Variants in PPCDC observed in about 807,000 individuals in gnomAD.
PPCDC encodes phosphopantothenoylcysteine decarboxylase.
In PPCDC, 20 loss-of-function variants were observed where a neutral mutation model predicts 20.7. The ratio of observed to expected loss-of-function variants is 0.97; its 90% CI spans 0.68 to 1.41. The LOEUF (loss-of-function observed/expected upper bound fraction) is 1.41. Among genes scored for constraint, PPCDC ranks in the 40% most tolerant of loss-of-function variants. The pLI is 0.00. For synonymous variants in PPCDC, 88 were observed against 100.3 expected (o/e 0.88, Z 0.73); for missense variants, 246 against 263.8 (o/e 0.93, Z 0.47).
At chr15:75,024,213 G>C (rs2065935695) in intron 1 of PPCDC, among the ~76,000 whole-genome samples, 1 of 152,084 alleles carries the variant, frequency 6.6e-6, no homozygotes, top group African/African-American at 2.4e-5. Context: ...AGTGGTGGTT[G>C]TCCTGGAGCA....
At chr15:75,041,155 C>G (rs972595747) in intron 2 of PPCDC, among the ~76,000 whole-genome samples, 1 of 152,214 alleles carries the variant, frequency 6.6e-6, no homozygotes, top group Non-Finnish European at 1.5e-5. Context: ...AGAGACAGGG[C>G]CTTCAGCATG....
intron 2 of PPCDC, among the ~76,000 whole-genome samples, chr15:75,035,182 G>A (rs2066070423): frequency 6.6e-6 from 1 of 152,204 alleles, no homozygotes; most frequent in Non-Finnish European, 1.5e-5. Context: ...GGATAATGCT[G>A]TAGAGTTGTG....
At chr15:75,043,416 G>C (rs765042584) in intron 2 of PPCDC, 25 bp from the exon 3 acceptor site, 2 of 1,574,300 alleles carry the variant, frequency 1.3e-6, no homozygotes, top group South Asian at 1.1e-5. Context: ...CTCCCTCCCC[G>C]CCACCCCCTT....
chr15:75,044,541 C>CA (rs1404291974), intron 4 of PPCDC, 27 bp downstream of exon 4: 3 of 1,605,576 alleles, frequency 1.9e-6, no homozygotes, highest in East Asian at 4.5e-5. Flanking sequence ...TGCCCTCGTC[C>CA]GTCCCTGGGC....
chr15:75,025,372 C>T (rs1038196752), intron 1 of PPCDC, among the ~76,000 whole-genome samples: 2 of 152,204 alleles, frequency 1.3e-5, no homozygotes, highest in African/African-American at 4.8e-5. Flanking sequence ...AACGTATACC[C>T]TGTCTGGCCT....
chr15:75,045,676 A>G (rs1413179734), intron 4 of PPCDC, among the ~76,000 whole-genome samples: 2 of 152,286 alleles, frequency 1.3e-5, no homozygotes, highest in South Asian at 2.1e-4. Flanking sequence ...GGTGAGCAGA[A>G]GAACAACTTG....
chr15:75,029,452 T>G (rs530208327), intron 2 of PPCDC, among the ~76,000 whole-genome samples: 1 of 152,302 alleles, frequency 6.6e-6, no homozygotes, highest in African/African-American at 2.4e-5. Context: ...GTATCTGGCA[T>G]GTCCAGCAGG....
chr15:75,027,176 T>C (rs1429297306), intron 1 of PPCDC, among the ~76,000 whole-genome samples: 1 of 152,138 alleles, frequency 6.6e-6, no homozygotes, highest in Non-Finnish European at 1.5e-5. Context: ...TCTCAAATAA[T>C]TTCAGACAGG....
intron 2 of PPCDC, among the ~76,000 whole-genome samples, chr15:75,038,131 A>T (rs763054665): frequency 8.5e-5 from 13 of 152,256 alleles, no homozygotes; most frequent in Non-Finnish European, 1.6e-4. Flanking sequence ...GAGGCCTTTG[A>T]TGGAATCCTA....
chr15:75,044,752 C>A, intron 4 of PPCDC: 1 of 482,538 alleles, frequency 2.1e-6, no homozygotes, highest in Non-Finnish European at 3.6e-6. Flanking sequence ...GTGTCCCCCT[C>A]TCCCCTGCCC....
intron 2 of PPCDC, among the ~76,000 whole-genome samples, chr15:75,042,724 G>A (rs2066168203): frequency 6.6e-6 from 1 of 152,112 alleles, no homozygotes; most frequent in Non-Finnish European, 1.5e-5. Flanking sequence ...CACACTCCTG[G>A]GTGCTGTTTT....
At chr15:75,028,225 G>A (rs1439410495) in intron 1 of PPCDC, 22 bp from the exon 2 acceptor site, 6 of 1,494,956 alleles carry the variant, frequency 4.0e-6, no homozygotes, top group Non-Finnish European at 5.4e-6. Flanking sequence ...AATGAAGGGG[G>A]TGGCCCTTGT....
intron 2 of PPCDC, among the ~76,000 whole-genome samples, chr15:75,040,339 A>C (rs1048475371): frequency 2.0e-5 from 3 of 151,828 alleles, no homozygotes; most frequent in African/African-American, 7.3e-5. Flanking sequence ...CAGTCTCCCA[A>C]AGTGCTGGGA....
chr15:75,044,431 A>C lies in PPCDC; in HGVS notation c.277A>C (p.Arg93=), dbSNP rs1413014613. 1 of 1,614,056 alleles carries C rather than the reference A, an allele frequency of 6.2e-7. No individual in the cohort carries two copies. The highest frequency in any genetic ancestry group is 1.1e-5 in the South Asian group (1 of 91,080). Residue 93 remains arginine, a synonymous_variant, in exon 4 of 6, where the codon AGG becomes CGG. Coordinates refer to ENST00000342932, the MANE Select transcript of PPCDC (RefSeq NM_021823.5). ...SDPVLHIDLR[R]WADLLLVAPL... is the part of the protein sequence containing the mutation. ...CCCAGTTCTGCACATTGACCTGCGG[A>C]GGTGGGCAGACCTCCTGCTGGTGGC...
rs566397796 is a variant in PPCDC, at chr15:75,049,516, G to A, written c.*281G>A. 48 of 406,942 alleles carry A rather than the reference G, an allele frequency of 1.2e-4. No homozygotes were observed. The South Asian group carries it at 1.2e-3, about 11-fold the overall frequency. The allele number at this position is 406,942 out of a possible 1,614,324, so 25.2% of individuals were successfully genotyped here. ...GCAAGCAGTGTTGTCCTCACGGGAG[G>A]AGGACTGAGCGACTGGGAAAACTCG... On this transcript the variant is annotated 3_prime_UTR_variant, in exon 6 of 6. Transcript: ENST00000342932.
intron 4 of PPCDC, 190 bp downstream of exon 4, chr15:75,044,704 C>A (rs1185546316): frequency 4.1e-6 from 3 of 732,734 alleles, no homozygotes; most frequent in Non-Finnish European, 6.3e-6. Context: ...CAGCCCTGGT[C>A]CTGATGGGTC....
chr15:75,025,421 G>C (rs948114682), intron 1 of PPCDC, among the ~76,000 whole-genome samples: 6 of 152,222 alleles, frequency 3.9e-5, no homozygotes, highest in African/African-American at 1.4e-4. Context: ...TTCTGTGCCA[G>C]CTCCACCTTT....
chr15:75,034,969 C>A (rs139318351), intron 2 of PPCDC, among the ~76,000 whole-genome samples: 5 of 151,980 alleles, frequency 3.3e-5, no homozygotes, highest in Admixed American at 3.3e-4. Context: ...CTGTGCTATC[C>A]GATAAATGTA....
chr15:75,032,065 C>T (rs2066027967), intron 2 of PPCDC, among the ~76,000 whole-genome samples: 1 of 152,166 alleles, frequency 6.6e-6, no homozygotes, highest in African/African-American at 2.4e-5. Context: ...AAGTTCCTCC[C>T]TGCATTTGTT....
Sources: gnomAD v4.1 joint callset for allele counts (sites outside exome capture counted in the v4.1 genomes callset) on GRCh38, gnomAD v4.1.1 for gene constraint, MANE v1.5 for transcripts, NCBI Gene and HGNC (gene_info 2026-07-23, HGNC 2026-07-21) for gene names.